Variants in NAALADL2 observed in about 807,000 individuals in gnomAD.
NAALADL2 encodes inactive N-acetylated-alpha-linked acidic dipeptidase-like protein 2.
NAALADL2 carries 76 observed loss-of-function variants against 87.2 expected under a neutral mutation model. That is an observed-to-expected ratio of 0.87 (90% confidence interval 0.72 to 1.05). The LOEUF (loss-of-function observed/expected upper bound fraction) is 1.05. NAALADL2 is among the 50% of genes least tolerant of loss of function. The probability of loss-of-function intolerance (pLI) is 0.00; values close to 1 mark genes in which losing one functional copy is unlikely to be tolerated. For missense variants in NAALADL2, 1,089 were observed against 945.8 expected, an observed-to-expected ratio of 1.15 and a Z score of -1.99; for synonymous variants, 354 against 331.0, an observed-to-expected ratio of 1.07 and a Z score of -0.75.
At chr3:175,271,439 A>T (rs1019367881) in intron 4 of NAALADL2, among the ~76,000 whole-genome samples, 13 of 152,200 alleles carry the variant, frequency 8.5e-5, no homozygotes, top group African/African-American at 3.1e-4. Context: ...CACATGAAAG[A>T]GTATTTGTGG....
intron 1 of NAALADL2, among the ~76,000 whole-genome samples, chr3:174,490,457 A>G (rs1410722943): frequency 6.6e-6 from 1 of 152,118 alleles, no homozygotes; most frequent in Non-Finnish European, 1.5e-5. Flanking sequence ...AAGAATGAAA[A>G]TGTTTTAAAA....
intron 2 of NAALADL2, among the ~76,000 whole-genome samples, chr3:174,626,473 G>C (rs1234471564): frequency 2.0e-5 from 3 of 151,662 alleles, no homozygotes; most frequent in Non-Finnish European, 4.4e-5. Flanking sequence ...AGTATGTTGG[G>C]TTTTCACCTT....
At chr3:175,261,079 T>C (rs1560250814) in intron 4 of NAALADL2, among the ~76,000 whole-genome samples, 1 of 152,102 alleles carries the variant, frequency 6.6e-6, no homozygotes, top group East Asian at 1.9e-4. Context: ...AGCTGAAGAC[T>C]TAGAGGAAAG....
intron 11 of NAALADL2, among the ~76,000 whole-genome samples, chr3:175,736,604 A>C (rs1240518770): frequency 6.6e-6 from 1 of 152,268 alleles, no homozygotes; most frequent in Non-Finnish European, 1.5e-5. Context: ...CACTGGCTAC[A>C]GATATCAACA....
intron 6 of NAALADL2, among the ~76,000 whole-genome samples, chr3:175,462,445 C>A (rs772286807): frequency 5.9e-5 from 9 of 151,924 alleles, no homozygotes; most frequent in Non-Finnish European, 1.2e-4. Flanking sequence ...TGAAAGTGTA[C>A]CTTGAGGGAA....
rs575199518 is a variant in NAALADL2, at chr3:174,950,794, A to G, written c.43+91344A>G. On this transcript the variant is annotated intron_variant, in intron 1 of 13. Coordinates refer to ENST00000454872, the MANE Select transcript of NAALADL2 (RefSeq NM_207015.3). ...ATAAAAGTAGCATTTTACAAAAATA[A>G]TAAAATAGAAATATGGTCAAACTGA... 3.9e-5 allele frequency among the ~76,000 whole-genome samples: 6 copies of G among 152,328 alleles called. No individual in the cohort carries two copies. The South Asian group carries it at 1.2e-3, about 32-fold the overall frequency.
intron 5 of NAALADL2, among the ~76,000 whole-genome samples, chr3:175,435,345 T>C (rs1718440696): frequency 6.6e-6 from 1 of 152,040 alleles, no homozygotes; most frequent in African/African-American, 2.4e-5. Flanking sequence ...AGAAACCATT[T>C]AAAGTAAGTT....
intron 1 of NAALADL2, among the ~76,000 whole-genome samples, chr3:174,532,453 C>T (rs1379311153): frequency 6.6e-6 from 1 of 152,052 alleles, no homozygotes; most frequent in Non-Finnish European, 1.5e-5. Context: ...TGGAAATTGC[C>T]TAAATTTAGG....
At chr3:175,371,205 T>C (rs1766436305) in intron 5 of NAALADL2, among the ~76,000 whole-genome samples, 1 of 152,184 alleles carries the variant, frequency 6.6e-6, no homozygotes, top group Admixed American at 6.5e-5. Context: ...TTGGTAATGC[T>C]TTGAAAAATG....
At chr3:174,938,243 T>C (rs1413216093) in intron 1 of NAALADL2, among the ~76,000 whole-genome samples, 1 of 152,112 alleles carries the variant, frequency 6.6e-6, no homozygotes, top group Non-Finnish European at 1.5e-5. Context: ...GTTCTCTTCA[T>C]TTAGCTCCCA....
chr3:175,013,057 A>G (rs1750087537), intron 1 of NAALADL2, among the ~76,000 whole-genome samples: 1 of 120,936 alleles, frequency 8.3e-6, no homozygotes, highest in African/African-American at 3.4e-5. Flanking sequence ...ACATAAATAT[A>G]TACACATATA....
chr3:174,800,085 C>T (rs956809007), intron 3 of NAALADL2, among the ~76,000 whole-genome samples: 9 of 152,046 alleles, frequency 5.9e-5, no homozygotes, highest in African/African-American at 1.7e-4. Context: ...AGGGAAACAG[C>T]ATGAAAGTTT....
intron 1 of NAALADL2, among the ~76,000 whole-genome samples, chr3:174,486,668 T>C (rs897489367): frequency 1.3e-5 from 2 of 152,044 alleles, no homozygotes; most frequent in Non-Finnish European, 2.9e-5. Flanking sequence ...TGCTTTTTAC[T>C]CTTTGTTAGG....
intron 13 of NAALADL2, among the ~76,000 whole-genome samples, chr3:175,757,717 T>G (rs1747453127): frequency 6.6e-6 from 1 of 152,064 alleles, no homozygotes; most frequent in Non-Finnish European, 1.5e-5. Flanking sequence ...TTAAGTTACC[T>G]TCCTTGATGA....
chr3:175,603,345 T>A (rs757272892), intron 10 of NAALADL2, among the ~76,000 whole-genome samples: 24 of 152,204 alleles, frequency 1.6e-4, no homozygotes, highest in Non-Finnish European at 2.5e-4. Context: ...TCTTAAAAAA[T>A]CTTAAATGTA....
intron 5 of NAALADL2, among the ~76,000 whole-genome samples, chr3:175,375,087 T>G (rs1766981089): frequency 1.3e-5 from 2 of 152,162 alleles, no homozygotes; most frequent in South Asian, 2.1e-4. Flanking sequence ...AATCAATTGC[T>G]CATATAAGGT....
chr3:174,876,354 C>T (rs1728510660), intron 1 of NAALADL2, among the ~76,000 whole-genome samples: 3 of 152,112 alleles, frequency 2.0e-5, no homozygotes, highest in South Asian at 2.1e-4. Context: ...GCTACATTTC[C>T]TTTCTTCCAT....
intron 3 of NAALADL2, among the ~76,000 whole-genome samples, chr3:174,787,596 T>TATACATATATATATATATACAC (rs1553855395): frequency 1.4e-4 from 9 of 65,804 alleles, no homozygotes; most frequent in East Asian, 4.9e-4. Context: ...TATATATATA[T>TATACATATATATATATATACAC]ATATATATAT....
chr3:174,661,052 C>T (rs954908812), intron 2 of NAALADL2, among the ~76,000 whole-genome samples: 18 of 151,984 alleles, frequency 1.2e-4, no homozygotes, highest in South Asian at 2.1e-4. Context: ...TATGTAGAGG[C>T]CTTACTCTTG....
Sources: allele counts gnomAD v4.1 joint callset (sites outside exome capture counted in the v4.1 genomes callset), GRCh38; gene constraint gnomAD v4.1.1; transcripts MANE v1.5; gene names NCBI Gene and HGNC (gene_info 2026-07-23, HGNC 2026-07-21).